The following CALD1 variants were observed in gnomAD, a reference collection of about 807,000 sequenced individuals.
The protein encoded by CALD1 is caldesmon.
CALD1 carries 33 observed loss-of-function variants against 99.9 expected under a neutral mutation model. The observed-to-expected ratio is 0.33, with a 90% CI of 0.25 to 0.44. CALD1 has a LOEUF of 0.44. Ranked by LOEUF, CALD1 falls within the 20% of genes least tolerant of loss-of-function variation. The probability of loss-of-function intolerance (pLI) is 1.00; values close to 1 mark genes in which losing one functional copy is unlikely to be tolerated. For missense variants in CALD1, 861 were observed against 962.1 expected (o/e 0.89, Z 1.39); for synonymous variants, 310 against 325.0 (o/e 0.95, Z 0.50).
upstream of CALD1, among the ~76,000 whole-genome samples, chr7:134,779,110 T>C (rs1264592520): frequency 2.6e-5 from 4 of 152,230 alleles, no homozygotes; most frequent in East Asian, 5.8e-4. Flanking sequence ...TCATTTTGTA[T>C]GTGCAAGTAC....
At chr7:134,872,922 C>T (rs1262083608) in intron 3 of CALD1, among the ~76,000 whole-genome samples, 2 of 152,162 alleles carry the variant, frequency 1.3e-5, no homozygotes, top group Non-Finnish European at 2.9e-5. Context: ...ATGGCTCACT[C>T]CCGTAATCCC....
intron 2 of CALD1, among the ~76,000 whole-genome samples, chr7:134,853,493 C>T (rs1000655523): frequency 4.0e-5 from 6 of 151,878 alleles, no homozygotes; most frequent in African/African-American, 4.9e-5. Flanking sequence ...ACCATTAGAT[C>T]GTTCCTGTAG....
intron 2 of CALD1, among the ~76,000 whole-genome samples, chr7:134,857,314 T>C (rs1800355954): frequency 6.6e-6 from 1 of 151,814 alleles, no homozygotes; most frequent in South Asian, 2.1e-4. Flanking sequence ...GGACTACAGA[T>C]GCCCGCCACC....
chr7:134,755,788 T>C (rs1249404694), intron 1 of CALD1, among the ~76,000 whole-genome samples: 1 of 152,244 alleles, frequency 6.6e-6, no homozygotes, highest in Non-Finnish European at 1.5e-5. Flanking sequence ...TTCTTTTCCT[T>C]TGTGTTGTTT....
the CALD1 span, among the ~76,000 whole-genome samples, chr7:134,720,119 C>A: frequency 6.6e-6 from 1 of 151,620 alleles, no homozygotes; most frequent in South Asian, 2.1e-4. Flanking sequence ...CAGACTCACC[C>A]TTTGTTCACC....
chr7:134,713,416 T>C, the CALD1 span, among the ~76,000 whole-genome samples: 1 of 152,162 alleles, frequency 6.6e-6, no homozygotes, highest in Non-Finnish European at 1.5e-5. Context: ...TCCCTCTGAC[T>C]GTGGGGAAGG....
At chr7:134,838,530 T>G (rs1039287557) in intron 1 of CALD1, among the ~76,000 whole-genome samples, 3 of 152,250 alleles carry the variant, frequency 2.0e-5, no homozygotes, top group Non-Finnish European at 2.9e-5. Context: ...AAGTAGTCCC[T>G]GTATTTGGAT....
chr7:134,822,096 C>CA (rs1798807296), intron 1 of CALD1: 1 of 152,196 alleles, frequency 6.6e-6, no homozygotes, highest in African/African-American at 2.4e-5. Context: ...TCTAAAATCA[C>CA]AAAACAGCTG....
intron 3 of CALD1, among the ~76,000 whole-genome samples, chr7:134,925,599 A>G (rs544314940): frequency 6.6e-6 from 1 of 152,290 alleles, no homozygotes; most frequent in Non-Finnish European, 1.5e-5. Context: ...AAGAGAGAAG[A>G]GTGAGCGAAG....
chr7:134,865,161 C>T (rs1017259451), intron 2 of CALD1, among the ~76,000 whole-genome samples: 2 of 151,082 alleles, frequency 1.3e-5, no homozygotes, highest in Admixed American at 6.6e-5. Flanking sequence ...GGACTGGGGA[C>T]GTAGAAGAGA....
At chr7:134,916,094 T>C (rs1365557455) in intron 3 of CALD1, among the ~76,000 whole-genome samples, 1 of 152,218 alleles carries the variant, frequency 6.6e-6, no homozygotes, top group Non-Finnish European at 1.5e-5. Context: ...TCAAGGTTTG[T>C]CTTTTTACTT....
At chr7:134,814,571 G>A (rs935294678) in intron 1 of CALD1, among the ~76,000 whole-genome samples, 1 of 152,178 alleles carries the variant, frequency 6.6e-6, no homozygotes, top group African/African-American at 2.4e-5. Flanking sequence ...GTTGATTGGA[G>A]GCTTGGGAAG....
intron 3 of CALD1, among the ~76,000 whole-genome samples, chr7:134,906,524 A>G (rs1366608555): frequency 6.6e-6 from 1 of 152,216 alleles, no homozygotes; most frequent in Non-Finnish European, 1.5e-5. Context: ...GCAAATTATC[A>G]CTGTTAAGTA....
chr7:134,865,426 C>T (rs192110974), intron 2 of CALD1, among the ~76,000 whole-genome samples: 1 of 152,182 alleles, frequency 6.6e-6, no homozygotes, highest in East Asian at 1.9e-4. Flanking sequence ...AAGCTACACC[C>T]ACTCGTGTGC....
chr7:134,884,731 C>T (rs1182549176), intron 3 of CALD1, among the ~76,000 whole-genome samples: 1 of 152,002 alleles, frequency 6.6e-6, no homozygotes, highest in Non-Finnish European at 1.5e-5. Context: ...CTCTTCACTC[C>T]AGAGAAAAAA....
At position 134,934,081 on chromosome 7, in the gene CALD1, C is replaced by G. The variant is rs145835307; in HGVS notation, c.1308+4C>G. The G allele has an allele frequency of 1.3e-6, 2 of 1,597,978 alleles. No individual in the cohort carries two copies. The highest frequency in any genetic ancestry group is 1.7e-6 in the Non-Finnish European group (2 of 1,174,382). Reference sequence around the variant, plus strand: ...GACAGCTGTCCTAAAGAAACAGGTACAGTAAACATTTTGCACCAAATGTGT... The same window carrying G: ...GACAGCTGTCCTAAAGAAACAGGTAGAGTAAACATTTTGCACCAAATGTGT... On this transcript the variant is annotated splice_donor_region_variant and intron_variant, in intron 5 of 14. Transcript: ENST00000361675.
chr7:134,958,008 G>T, intron 9 of CALD1, 61 bp from the exon 10 acceptor site: 1 of 1,285,504 alleles, frequency 7.8e-7, no homozygotes. Context: ...GGCCTGGGCT[G>T]AGAAACACTG....
chr7:134,890,215 G>A (rs896741557), intron 3 of CALD1, among the ~76,000 whole-genome samples: 1 of 152,102 alleles, frequency 6.6e-6, no homozygotes, highest in Non-Finnish European at 1.5e-5. Flanking sequence ...TATAAACTAC[G>A]ACTCTGATGA....
intron 7 of CALD1, among the ~76,000 whole-genome samples, chr7:134,943,100 C>T (rs994141384): frequency 1.3e-5 from 2 of 152,034 alleles, no homozygotes; most frequent in African/African-American, 2.4e-5. Flanking sequence ...TAGAAGTTCA[C>T]GCTGATTGAA....
Sources: gnomAD v4.1 joint callset for allele counts (sites outside exome capture counted in the v4.1 genomes callset) on GRCh38, gnomAD v4.1.1 for gene constraint, MANE v1.5 for transcripts, NCBI Gene and HGNC (gene_info 2026-07-23, HGNC 2026-07-21) for gene names.